The following ADGB variants were observed in gnomAD, a reference collection of about 807,000 sequenced individuals.
ADGB encodes the protein calpain-7-like protein.
Under a neutral mutation model 210.5 loss-of-function variants are expected in ADGB, and 172 were observed. That is an observed-to-expected ratio of 0.82 (90% confidence interval 0.72 to 0.93). The LOEUF (loss-of-function observed/expected upper bound fraction) is 0.93, where lower values mean the gene tolerates loss of function less well. Ranked by LOEUF, ADGB falls within the 40% of genes least tolerant of loss-of-function variation. The pLI is 0.00. For missense variants in ADGB, 2,025 were observed against 1,964.8 expected, an observed-to-expected ratio of 1.03 and a Z score of -0.58; for synonymous variants, 658 against 662.7, an observed-to-expected ratio of 0.99 and a Z score of 0.11.
rs1429121517 is a variant in ADGB at position 146,801,268 on chromosome 6, T to G, written c.4623T>G (p.Ser1541Arg). 1 of 1,489,722 alleles carries G rather than the reference T, an allele frequency of 6.7e-7. No homozygotes were observed. The highest frequency in any genetic ancestry group is 1.4e-5 in the African/African-American group (1 of 69,704). 92.3% of individuals were successfully genotyped at this position (1,489,722 alleles called of 1,614,324 possible). A position where few individuals can be genotyped will look rare whatever the true frequency, so the allele number is the denominator to read the frequency against. Residue 1541 changes from serine (S) to arginine (R), a missense_variant, in exon 34 of 36, where the codon AGT becomes AGG. Transcript: ENST00000397944. ...IRKALEFMDL[S>R]QYVRKTDTDP... ...AAGCACTAGAATTTATGGATTTAAGTCAATATGTTCGGTAAGTTTTCATAA... is the reference window on the plus strand; with the variant it reads ...AAGCACTAGAATTTATGGATTTAAGGCAATATGTTCGGTAAGTTTTCATAA...
chr6:146,630,900 A>T (rs569100814), intron 1 of ADGB, among the ~76,000 whole-genome samples: 1 of 152,300 alleles, frequency 6.6e-6, no homozygotes, highest in African/African-American at 2.4e-5. Flanking sequence ...TGGCTTATTC[A>T]TTTGGGGTTT....
intron 17 of ADGB, among the ~76,000 whole-genome samples, chr6:146,722,594 A>G (rs1193706345): frequency 6.6e-6 from 1 of 152,166 alleles, no homozygotes; most frequent in Non-Finnish European, 1.5e-5. Flanking sequence ...TATTTCTGTC[A>G]TTCTTTTATT....
chr6:146,673,879 G>A (rs1214266119), intron 8 of ADGB, among the ~76,000 whole-genome samples: 1 of 152,128 alleles, frequency 6.6e-6, no homozygotes, highest in Non-Finnish European at 1.5e-5. Flanking sequence ...ATTAAACCAG[G>A]AATGATATTT....
intron 26 of ADGB, among the ~76,000 whole-genome samples, chr6:146,746,367 G>C (rs1410256228): frequency 6.6e-6 from 1 of 152,072 alleles, no homozygotes; most frequent in Non-Finnish European, 1.5e-5. Context: ...TCATGACATG[G>C]CTTCCTCTTA....
intron 27 of ADGB, among the ~76,000 whole-genome samples, chr6:146,760,236 G>A (rs1048612363): frequency 6.6e-6 from 1 of 151,800 alleles, no homozygotes; most frequent in African/African-American, 2.4e-5. Context: ...TTACCCAGAA[G>A]ATACTTCAGG....
intron 23 of ADGB, among the ~76,000 whole-genome samples, chr6:146,736,988 A>C (rs1583614693): frequency 6.6e-6 from 1 of 152,186 alleles, no homozygotes; most frequent in South Asian, 2.1e-4. Flanking sequence ...AAAAAACTGC[A>C]TTCTAGCCAT....
chr6:146,746,236 C>T (rs1317359465), intron 26 of ADGB, 127 bp downstream of exon 26: 3 of 684,032 alleles, frequency 4.4e-6, no homozygotes, highest in Non-Finnish European at 7.0e-6. Flanking sequence ...TTTTTGGAAA[C>T]AATTAATTGA....
At chr6:146,701,866 A>G (rs2114545701) in intron 13 of ADGB, among the ~76,000 whole-genome samples, 1 of 152,048 alleles carries the variant, frequency 6.6e-6, no homozygotes, top group African/African-American at 2.4e-5. Context: ...CGACCACATG[A>G]AATACAGCAA....
At chr6:146,805,755 TA>T in intron 35 of ADGB, among the ~76,000 whole-genome samples, 1 of 152,080 alleles carries the variant, frequency 6.6e-6, no homozygotes, top group Non-Finnish European at 1.5e-5. Flanking sequence ...TAGGGTCACT[TA>T]TTAGAGAGAT....
intron 6 of ADGB, 41 bp from the exon 7 acceptor site, chr6:146,666,775 C>T: frequency 2.2e-6 from 3 of 1,349,646 alleles, no homozygotes; most frequent in Non-Finnish European, 2.1e-6. Context: ...TATGTGTTTT[C>T]AAATTTTGCT....
intron 20 of ADGB, among the ~76,000 whole-genome samples, chr6:146,730,125 CTAAAATTACTTACATAATTACTTA>C (rs1208799829): frequency 2.0e-5 from 3 of 152,078 alleles, no homozygotes; most frequent in Non-Finnish European, 4.4e-5. Flanking sequence ...TAGTATACTT[CTAAAATTACTTACATAATTACTTA>C]TAAAATTACT....
intron 4 of ADGB, among the ~76,000 whole-genome samples, chr6:146,656,164 C>T (rs1775777973): frequency 6.6e-6 from 1 of 152,212 alleles, no homozygotes; most frequent in Non-Finnish European, 1.5e-5. Flanking sequence ...AAATCCTGAT[C>T]TCTGTTTCCA....
chr6:146,742,474 C>T (rs1336061064), intron 25 of ADGB, among the ~76,000 whole-genome samples: 1 of 151,872 alleles, frequency 6.6e-6, no homozygotes, highest in Non-Finnish European at 1.5e-5. Flanking sequence ...ATTTTATAAG[C>T]AAATCTGATA....
intron 29 of ADGB, among the ~76,000 whole-genome samples, chr6:146,780,052 C>T (rs965992002): frequency 1.3e-5 from 2 of 151,342 alleles, no homozygotes; most frequent in African/African-American, 2.4e-5. Context: ...GGGCTTTATA[C>T]ATATACATAT....
chr6:146,677,232 A>G (rs946145943), intron 9 of ADGB, among the ~76,000 whole-genome samples: 2 of 152,168 alleles, frequency 1.3e-5, no homozygotes, highest in African/African-American at 2.4e-5. Flanking sequence ...CAACCTATTC[A>G]GGAGGTTATC....
At chr6:146,656,710 C>T in intron 4 of ADGB, 61 bp from the exon 5 acceptor site, 3 of 1,191,988 alleles carry the variant, frequency 2.5e-6, no homozygotes, top group South Asian at 1.8e-5. Context: ...GTTTTTATCC[C>T]TAAATTACAG....
At chr6:146,741,978 G>A (rs895244117) in intron 25 of ADGB, among the ~76,000 whole-genome samples, 1 of 151,988 alleles carries the variant, frequency 6.6e-6, no homozygotes, top group African/African-American at 2.4e-5. Flanking sequence ...TTCTTTTTGA[G>A]TTATGTCTGT....
In ADGB at chr6:146,638,860, A is replaced by G. The variant is rs1210228849; in HGVS notation, c.237+3323A>G. ...AGTGTTTAATAATTTTCATCATGTG[A>G]TAAGTTTCAAAGCACAGCACAACAC... is the stretch of plus-strand genomic sequence containing the variant. On this transcript the variant is annotated intron_variant, in intron 2 of 35. Transcript: ENST00000397944. The G allele has an allele frequency of 2.7e-5, 4 of 147,704 alleles. No homozygotes were observed. In the East Asian group the frequency reaches 5.9e-4, roughly 22 times the overall value. The allele number at this position is 147,704 out of a possible 1,614,324, so 9.1% of individuals were successfully genotyped here. A position where few individuals can be genotyped will look rare whatever the true frequency, so the allele number is the denominator to read the frequency against.
At position 146,785,657 on chromosome 6, in the gene ADGB, A is replaced by T. The variant is rs1163994773; in HGVS notation, c.4260A>T (p.Thr1420=). 4.5e-6 allele frequency: 7 copies of T among 1,551,194 alleles called. No homozygotes were observed. Among genetic ancestry groups the T allele is most frequent in the East Asian group, 2.4e-5 (1 of 40,920 alleles). ...ACCTTAGCGGGTTCATTAAGAAAACATCTGATGCTGAGAGTCCGCCTATAT... is the reference window on the plus strand; with the variant it reads ...ACCTTAGCGGGTTCATTAAGAAAACTTCTGATGCTGAGAGTCCGCCTATAT... ...LHYLSGFIKK[T]SDAESPPISE... The change falls in exon 32 of 36, where the codon ACA becomes ACT. Residue 1420 remains threonine (T), a synonymous_variant. Transcript: ENST00000397944.
Sources: gnomAD v4.1 joint callset for allele counts (sites outside exome capture counted in the v4.1 genomes callset) on GRCh38, gnomAD v4.1.1 for gene constraint, MANE v1.5 for transcripts, NCBI Gene and HGNC (gene_info 2026-07-23, HGNC 2026-07-21) for gene names.